TF: variants seen among roughly 807,000 people sequenced by gnomAD.
TF encodes serotransferrin.
Under a neutral mutation model 82.4 loss-of-function variants are expected in TF, and 55 were observed. That is an observed-to-expected ratio of 0.67 (90% CI 0.54 to 0.84). TF has a LOEUF of 0.84. TF is among the 40% of genes least tolerant of loss of function. The probability of loss-of-function intolerance (pLI) is 0.00; values close to 1 mark genes in which losing one functional copy is unlikely to be tolerated. For synonymous variants in TF, 332 were observed against 332.6 expected (o/e 1.00, Z 0.02); for missense variants, 737 against 868.4 (o/e 0.85, Z 1.90).
the TF span, among the ~76,000 whole-genome samples, chr3:133,729,474 A>G: frequency 6.6e-6 from 1 of 152,312 alleles, no homozygotes; most frequent in East Asian, 1.9e-4. Flanking sequence ...GGTGTGGGAT[A>G]TAATCTCCTG....
chr3:133,678,561 C>A, the TF span, among the ~76,000 whole-genome samples: 39 of 152,216 alleles, frequency 2.6e-4, 1 homozygote, highest in South Asian at 8.1e-3. Flanking sequence ...TTCTAACTGG[C>A]GTGAGGTGGT....
rs931807549 is a variant in TF, at chr3:133,790,973, T to G, written c.*12353T>G. 6.6e-6 allele frequency: 1 copy of G among 152,200 alleles called. No individual in the cohort carries two copies. Among genetic ancestry groups the G allele is most frequent in the Non-Finnish European group, 1.5e-5 (1 of 68,036 alleles). 9.4% of individuals were successfully genotyped at this position (152,200 alleles called of 1,614,324 possible). ...AAATTTAGGGTTGGGTTCCTATTTG[T>G]TTTTGCTTCTAATTTTCATTTGTTT... On this transcript the variant is annotated 3_prime_UTR_variant, in exon 17 of 17. Coordinates refer to ENST00000402696, the MANE Select transcript of TF (RefSeq NM_001063.4).
chr3:133,748,278 T>C, intron 1 of TF, 134 bp from the exon 2 acceptor site: 1 of 1,116,552 alleles, frequency 9.0e-7, no homozygotes, highest in Non-Finnish European at 1.3e-6. Context: ...ACTTGTGCCC[T>C]GTAGTGTTCA....
chr3:133,779,488 G>A lies in TF; in HGVS notation c.*868G>A, dbSNP rs964010342. ...TAAAGTTGACCACTCCCTCCTCCTT[G>A]GAACTCTTTTCCTCAGTTTCTCTGA... is the stretch of plus-strand genomic sequence containing the variant. On this transcript the variant is annotated 3_prime_UTR_variant, in exon 17 of 17. Coordinates refer to ENST00000402696, the MANE Select transcript of TF (RefSeq NM_001063.4). 1 of 152,262 alleles carries A rather than the reference G, an allele frequency of 6.6e-6. No individual in the cohort carries two copies. The highest frequency in any genetic ancestry group is 2.4e-5 in the African/African-American group (1 of 41,430). The allele number at this position is 152,262 out of a possible 1,614,324, so 9.4% of individuals were successfully genotyped here. A position where few individuals can be genotyped will look rare whatever the true frequency, so the allele number is the denominator to read the frequency against.
chr3:133,667,735 C>T, the TF span, among the ~76,000 whole-genome samples: 4 of 152,168 alleles, frequency 2.6e-5, no homozygotes, highest in Non-Finnish European at 4.4e-5. Context: ...AGCCCTGGCA[C>T]AACACCTTGT....
chr3:133,751,478 G>A lies in TF; in HGVS notation c.217-2117G>A, dbSNP rs544375568. On this transcript the variant is annotated intron_variant, in intron 2 of 16. Coordinates refer to ENST00000402696, the MANE Select transcript of TF (RefSeq NM_001063.4). ...GATCTCCTGACCTCGTGATCCGCCC[G>A]TCTCGGCCTCCCAAAGTTCCACTTT... Among the ~76,000 whole-genome samples, 11 of 152,086 alleles carry A rather than the reference G, an allele frequency of 7.2e-5. No individual in the cohort carries two copies. The South Asian group carries it at 1.7e-3, about 23-fold the overall frequency.
rs1934722366 is a variant in TF at position 133,787,689 on chromosome 3, TTTGCTA to T, written c.*9073_*9078del. ...AGAGGGAAGAAATTACAAAAGATGT[TTTGCTA>T]TTGTGTACTAGAAAATTTCAGTTTA... On this transcript the variant is annotated 3_prime_UTR_variant, in exon 17 of 17. Transcript: ENST00000402696. The T allele has an allele frequency of 6.6e-6, 1 of 152,214 alleles. No individual in the cohort carries two copies. The highest frequency in any genetic ancestry group is 2.4e-5 in the African/African-American group (1 of 41,450). The allele number at this position is 152,214 out of a possible 1,614,324, so 9.4% of individuals were successfully genotyped here.
the TF span, chr3:133,662,267 A>T: frequency 6.6e-6 from 1 of 152,272 alleles, no homozygotes; most frequent in Non-Finnish European, 1.5e-5. Flanking sequence ...TGCACGGGAA[A>T]AGGTATTATC....
the TF span, among the ~76,000 whole-genome samples, chr3:133,724,254 T>A: frequency 6.6e-6 from 1 of 152,232 alleles, no homozygotes; most frequent in Non-Finnish European, 1.5e-5. Context: ...ATGGTTGAAC[T>A]AGTTTACAGT....
At chr3:133,750,433 T>G (rs1040984640) in intron 2 of TF, among the ~76,000 whole-genome samples, 17 of 142,566 alleles carry the variant, frequency 1.2e-4, no homozygotes, top group African/African-American at 4.6e-4. Flanking sequence ...CAGCCTGGCT[T>G]CCCTCAATCC....
At position 133,750,303 on chromosome 3, in the gene TF, G is replaced by C. The variant is rs573373684; in HGVS notation, c.216+1719G>C. On this transcript the variant is annotated intron_variant, in intron 2 of 16. Transcript: ENST00000402696. Reference sequence around the variant, plus strand: ...CTGCTAGGAGCCATGCCAGAGTCTGGTCAGGTCTCTTAGTGCAGAGGTTTG... The same window carrying C: ...CTGCTAGGAGCCATGCCAGAGTCTGCTCAGGTCTCTTAGTGCAGAGGTTTG... 1.2e-3 allele frequency among the ~76,000 whole-genome samples: 186 copies of C among 152,286 alleles called. 2 individuals carry two copies. The highest frequency in any genetic ancestry group is 4.3e-3 in the African/African-American group (178 of 41,572).
chr3:133,755,640 A>G, intron 5 of TF, 145 bp downstream of exon 5: 1 of 1,138,862 alleles, frequency 8.8e-7, no homozygotes, highest in Non-Finnish European at 1.3e-6. Context: ...CAGAAGCACA[A>G]CCTGGGACTC....
In TF at chr3:133,781,581, A is replaced by T. The variant is rs1300814774; in HGVS notation, c.*2961A>T. ...GATAGGAAGACTCAGTATTGTAAAG[A>T]TGTCAATTCTCCCTAAATTAATCAA... is the stretch of plus-strand genomic sequence containing the variant. On this transcript the variant is annotated 3_prime_UTR_variant, in exon 17 of 17. Transcript: ENST00000402696. 1 of 152,180 alleles carries T rather than the reference A, an allele frequency of 6.6e-6. No individual in the cohort carries two copies. The highest frequency in any genetic ancestry group is 2.4e-5 in the African/African-American group (1 of 41,462). The allele number at this position is 152,180 out of a possible 1,614,324, so 9.4% of individuals were successfully genotyped here.
At chr3:133,724,678 T>C in the TF span, among the ~76,000 whole-genome samples, 2 of 152,246 alleles carry the variant, frequency 1.3e-5, no homozygotes, top group Admixed American at 1.3e-4. Context: ...CATTTGTCAA[T>C]GTTGGCTTTT....
At chr3:133,679,611 T>C in the TF span, among the ~76,000 whole-genome samples, 1 of 147,678 alleles carries the variant, frequency 6.8e-6, no homozygotes, top group Non-Finnish European at 1.5e-5. Context: ...ATAATTGTAT[T>C]GAGATTCATC....
intron 13 of TF, among the ~76,000 whole-genome samples, chr3:133,769,074 C>T (rs540414907): frequency 5.9e-5 from 9 of 152,262 alleles, no homozygotes; most frequent in African/African-American, 1.9e-4. Flanking sequence ...TACTCACAGG[C>T]GTGGGCCACG....
chr3:133,736,723 G>A, the TF span, among the ~76,000 whole-genome samples: 2 of 144,630 alleles, frequency 1.4e-5, no homozygotes, highest in Non-Finnish European at 3.0e-5. Flanking sequence ...AGACAAAGAA[G>A]AGTATTACAT....
At chr3:133,730,448 C>A in the TF span, among the ~76,000 whole-genome samples, 1 of 152,218 alleles carries the variant, frequency 6.6e-6, no homozygotes, top group Non-Finnish European at 1.5e-5. Flanking sequence ...AGACTGCTGG[C>A]TATGGTGGGC....
the TF span, among the ~76,000 whole-genome samples, chr3:133,699,152 A>G: frequency 2.4e-3 from 361 of 152,382 alleles, 3 homozygotes; most frequent in Non-Finnish European, 2.7e-3. Context: ...TTGATGAGCT[A>G]TGAGTGCACA....
Sources: allele counts gnomAD v4.1 joint callset (sites outside exome capture counted in the v4.1 genomes callset), GRCh38; gene constraint gnomAD v4.1.1; transcripts MANE v1.5; gene names NCBI Gene and HGNC (gene_info 2026-07-23, HGNC 2026-07-21).